The following ABCA1 variants were observed in gnomAD, a reference collection of about 807,000 sequenced individuals.
ABCA1 encodes the protein phospholipid-transporting ATPase ABCA1.
A neutral mutation model predicts 262.5 loss-of-function variants in ABCA1; 133 were observed. The observed-to-expected ratio is 0.51, with a 90% confidence interval of 0.44 to 0.59. ABCA1 has a LOEUF of 0.59. Ranked by LOEUF, ABCA1 falls within the 20% of genes least tolerant of loss-of-function variation. ABCA1 has a pLI of 0.00. For missense variants in ABCA1, 2,452 were observed against 2,777.5 expected (o/e 0.88, Z 2.63); for synonymous variants, 1,022 against 1,043.5 (o/e 0.98, Z 0.40).
At chr9:104,810,084 C>A (rs1313390778) in intron 29 of ABCA1, among the ~76,000 whole-genome samples, 7 of 148,472 alleles carry the variant, frequency 4.7e-5, no homozygotes, top group African/African-American at 1.7e-4. Flanking sequence ...ATAAAGTAAA[C>A]CTGAACTATG....
intron 3 of ABCA1, among the ~76,000 whole-genome samples, chr9:104,885,047 C>T (rs1173796235): frequency 6.6e-6 from 1 of 152,062 alleles, no homozygotes; most frequent in African/African-American, 2.4e-5. Flanking sequence ...ACCACCCTGG[C>T]CAACATGGCG....
rs1829897599 is a variant in ABCA1, at chr9:104,796,348, G to A, written c.5198C>T (p.Thr1733Ile). ...CFQQKSYVSS[T>I]NLPVLALLLL... ...TAGAAGGGCTAGCACAGGCAGATTG[G>A]TGGAGGACACATAGGACTTCTGCTG... Residue 1733 changes from threonine to isoleucine, a missense_variant, in exon 38 of 50, where the codon ACC (threonine) becomes ATC (isoleucine). Physicochemically the swap from Thr to Ile is moderately conservative, Grantham distance 89 (BLOSUM62 -1). Coordinates refer to ENST00000374736, the MANE Select transcript of ABCA1 (RefSeq NM_005502.4). 1.2e-6 allele frequency: 2 copies of A among 1,614,212 alleles called. No homozygotes were observed. Among genetic ancestry groups the A allele is most frequent in the Non-Finnish European group, 1.7e-6 (2 of 1,180,034 alleles).
At position 104,840,349 on chromosome 9, in the gene ABCA1, G is replaced by T. The variant is rs750788080; in HGVS notation, c.984C>A (p.Asn328Lys). ...KIKSLNWYEDNNYKALFGGNG... is the reference protein window; with the variant it reads ...KIKSLNWYEDKNYKALFGGNG... ...TGCCTCCAAAGAGGGCTTTGTAGTT[G>T]TTGTCCTCATACCAGTTGAGAGACT... Residue 328 changes from asparagine (N) to lysine (K), a missense_variant, in exon 9 of 50, where the codon AAC (asparagine) becomes AAA (lysine). Coordinates refer to ENST00000374736, the MANE Select transcript of ABCA1 (RefSeq NM_005502.4). The T allele has an allele frequency of 3.1e-6, 5 of 1,614,068 alleles. No homozygotes were observed. The highest frequency in any genetic ancestry group is 2.7e-5 in the African/African-American group (2 of 74,918).
At position 104,812,688 on chromosome 9, in the gene ABCA1, A is replaced by C; in HGVS notation, c.3936T>G (p.Asp1312Glu). 1 of 1,614,220 alleles carries C rather than the reference A, an allele frequency of 6.2e-7. No homozygotes were observed. The highest frequency in any genetic ancestry group is 8.5e-7 in the Non-Finnish European group (1 of 1,180,032). ...SRETDLLSGM[D>E]GKGSYQVKGW... is the part of the protein sequence containing the mutation. The stretch of plus-strand genomic sequence containing the variant: ...CTTTCACCTGGTAGGACCCTTTGCC[A>C]TCCATCCCACTGAGCAAGTCTGTCT... The change falls in exon 28 of 50, where the codon GAT becomes GAG. Residue 1312 changes from aspartate to glutamate, a missense_variant. Asp to Glu is a conservative substitution (Grantham distance 45). This residue lies in a region of ABCA1 where 665 missense variants were observed against 727.3 expected (regional missense o/e 0.91). Coordinates refer to ENST00000374736, the MANE Select transcript of ABCA1 (RefSeq NM_005502.4).
intron 7 of ABCA1, among the ~76,000 whole-genome samples, chr9:104,850,402 G>A (rs1248285035): frequency 2.6e-5 from 4 of 152,138 alleles, no homozygotes; most frequent in Admixed American, 2.0e-4. Context: ...GATTGCAGGC[G>A]TGAGCCACCA....
At chr9:104,842,932 G>C (rs751215936) in intron 8 of ABCA1, among the ~76,000 whole-genome samples, 1 of 152,016 alleles carries the variant, frequency 6.6e-6, no homozygotes, top group Non-Finnish European at 1.5e-5. Flanking sequence ...CCCACCACTT[G>C]CTCACTTTCC....
intron 2 of ABCA1, among the ~76,000 whole-genome samples, chr9:104,895,361 C>A (rs990049698): frequency 1.3e-5 from 2 of 152,168 alleles, no homozygotes; most frequent in African/African-American, 4.8e-5. Flanking sequence ...ACATTTGGGG[C>A]CAGATAGGTG....
At chr9:104,895,274 C>T (rs553575343) in intron 2 of ABCA1, among the ~76,000 whole-genome samples, 1 of 152,322 alleles carries the variant, frequency 6.6e-6, no homozygotes, top group East Asian at 1.9e-4. Flanking sequence ...CTTTGCACTT[C>T]CCATCTTGCT....
At chr9:104,862,462 G>A (rs569871270) in intron 5 of ABCA1, among the ~76,000 whole-genome samples, 91 of 137,556 alleles carry the variant, frequency 6.6e-4, no homozygotes, top group African/African-American at 2.5e-3. Context: ...GCACTAGTCC[G>A]TTCATTCCTG....
rs77541951 is a variant in ABCA1, at chr9:104,922,067, T to C, written c.-93+5868A>G. Among the ~76,000 whole-genome samples, 133 of 152,332 alleles carry C rather than the reference T, an allele frequency of 8.7e-4. No individual in the cohort carries two copies. The East Asian group carries it at 0.023, about 26-fold the overall frequency. On this transcript the variant is annotated intron_variant, in intron 1 of 49. Transcript: ENST00000374736. ...CTAAAGGGTTTTGTACCAACTTTGT[T>C]TTCAACATGGGAAAGACAGGATTTC...
At chr9:104,875,281 C>T (rs1303387507) in intron 5 of ABCA1, among the ~76,000 whole-genome samples, 12 of 147,580 alleles carry the variant, frequency 8.1e-5, no homozygotes, top group South Asian at 2.2e-4. Flanking sequence ...AGGCGGTGGT[C>T]GCAGTGAGCC....
At chr9:104,865,382 G>C (rs868511658) in intron 5 of ABCA1, among the ~76,000 whole-genome samples, 8 of 152,054 alleles carry the variant, frequency 5.3e-5, no homozygotes, top group Non-Finnish European at 8.8e-5. Context: ...TGAGTGTGGT[G>C]GTGGGTGCCT....
At chr9:104,840,584 G>T in intron 8 of ABCA1, 65 bp from the exon 9 acceptor site, 1 of 1,484,936 alleles carries the variant, frequency 6.7e-7, no homozygotes, top group Non-Finnish European at 9.2e-7. Context: ...TGCAAGGGTT[G>T]GGGATGAGAA....
chr9:104,848,528 T>C (rs1351242188), intron 7 of ABCA1, among the ~76,000 whole-genome samples: 1 of 151,534 alleles, frequency 6.6e-6, no homozygotes, highest in Non-Finnish European at 1.5e-5. Context: ...GGCAGGAAAA[T>C]TGCTTGAACC....
intron 2 of ABCA1, among the ~76,000 whole-genome samples, chr9:104,902,110 G>A (rs980765737): frequency 1.1e-4 from 16 of 152,178 alleles, no homozygotes; most frequent in Non-Finnish European, 2.2e-4. Flanking sequence ...CTCAAAGGAA[G>A]ATCTGTATAC....
intron 7 of ABCA1, among the ~76,000 whole-genome samples, chr9:104,858,320 T>C (rs1410610842): frequency 1.3e-5 from 2 of 152,218 alleles, no homozygotes; most frequent in Admixed American, 1.3e-4. Context: ...ACCCAGCTTA[T>C]TCTTCCCATT....
In ABCA1 at chr9:104,798,173, T is replaced by C. The variant is rs75866150; in HGVS notation, c.5121+248A>G. ...TTGGGAAAGTTGTCACATAGGAACT[T>C]AAGTGGTAGTGGTATTAATTTTCAT... On this transcript the variant is annotated intron_variant, in intron 37 of 49. Coordinates refer to ENST00000374736, the MANE Select transcript of ABCA1 (RefSeq NM_005502.4). Among the ~76,000 whole-genome samples, 9,364 of 152,204 alleles carry C rather than the reference T, an allele frequency of 0.062. 797 individuals are homozygous for C. The highest frequency in any genetic ancestry group is 0.2 in the African/African-American group (8,174 of 41,492).
At chr9:104,807,181 G>A (rs1314335994) in intron 30 of ABCA1, among the ~76,000 whole-genome samples, 5 of 152,184 alleles carry the variant, frequency 3.3e-5, no homozygotes, top group African/African-American at 9.7e-5. Flanking sequence ...TCTTATGCTC[G>A]ATGTGCTGAA....
In ABCA1 at chr9:104,811,073, A is replaced by G. The variant is rs1027895485; in HGVS notation, c.4051-149T>C. The G allele has an allele frequency of 3.6e-5, 43 of 1,207,992 alleles. No homozygotes were observed. In the Admixed American group the frequency reaches 9.4e-4, roughly 26 times the overall value. 74.8% of individuals were successfully genotyped at this position (1,207,992 alleles called of 1,614,324 possible). ...AATGCAGGGCCTATGACTGTGCTGC[A>G]CCAAGGCATTCTTGGCAGCTGGGAA... On this transcript the variant is annotated intron_variant, in intron 28 of 49. Coordinates refer to ENST00000374736, the MANE Select transcript of ABCA1 (RefSeq NM_005502.4).
Sources: allele counts gnomAD v4.1 joint callset (sites outside exome capture counted in the v4.1 genomes callset), GRCh38; gene constraint gnomAD v4.1.1; regional missense constraint gnomAD v4.1.1; transcripts MANE v1.5; gene names NCBI Gene and HGNC (gene_info 2026-07-23, HGNC 2026-07-21).